Variants in CNTROB observed in about 807,000 individuals in gnomAD.
CNTROB encodes the protein centrobin, centriole duplication and spindle assembly protein.
Under a neutral mutation model 115.7 loss-of-function variants are expected in CNTROB, and 82 were observed. That is an observed-to-expected ratio of 0.71 (90% confidence interval 0.59 to 0.85). CNTROB has a LOEUF of 0.85. CNTROB is among the 40% of genes least tolerant of loss of function. The pLI is 0.00. For missense variants in CNTROB, 1,014 were observed against 1,144.4 expected (o/e 0.89, Z 1.64); for synonymous variants, 439 against 456.4 (o/e 0.96, Z 0.49).
rs73977784 is a variant in CNTROB at position 7,948,365 on chromosome 17, A to G, written c.2380+38A>G. ...TGGTTTATTAGGGAAAAAAGGAGGG[A>G]CAGTCCTGAGTGTGGATCCAGTACA... is the stretch of plus-strand genomic sequence containing the variant. On this transcript the variant is annotated intron_variant, in intron 16 of 18. Coordinates refer to ENST00000563694, the MANE Select transcript of CNTROB (RefSeq NM_053051.5). This position sits in a 1 kb window ranked among gnomAD's most constrained non-coding sequence, Gnocchi z 4.4. 3.6e-5 allele frequency: 58 copies of G among 1,612,456 alleles called. No homozygotes were observed. In the African/African-American group the frequency reaches 6.8e-4, roughly 19 times the overall value.
chr17:7,948,392 G>C lies in CNTROB; in HGVS notation c.2380+65G>C, dbSNP rs561678706. 1 of 1,607,922 alleles carries C rather than the reference G, an allele frequency of 6.2e-7. No individual in the cohort carries two copies. Among genetic ancestry groups the C allele is most frequent in the East Asian group, 2.2e-5 (1 of 44,826 alleles). ...AGTCCTGAGTGTGGATCCAGTACAG[G>C]CACTTACAGTCCTTCTGAATTCCTG... On this transcript the variant is annotated intron_variant, in intron 16 of 18. Transcript: ENST00000563694. The surrounding 1 kb of genome is among the most constrained non-coding windows in gnomAD (Gnocchi z 4.4).
Position 7,934,897 on chromosome 17 carries a change from G to A in CNTROB, c.438-92G>A, listed in dbSNP as rs1405463084. ...TGGACAAGTCTCTTGCCCTCTCTGG[G>A]TCTCAGTTTCCTCATTTGTAGAATA... On this transcript the variant is annotated intron_variant, in intron 3 of 18. Transcript: ENST00000563694. 4 of 1,414,518 alleles carry A rather than the reference G, an allele frequency of 2.8e-6. No homozygotes were observed. In the South Asian group the frequency reaches 5.7e-5, roughly 20 times the overall value. 87.6% of individuals were successfully genotyped at this position (1,414,518 alleles called of 1,614,324 possible).
At position 7,932,349 on chromosome 17, in the gene CNTROB, G is replaced by A; in HGVS notation, c.-731G>A. ...AAGGGTGGAGAGTAGGCGGAACCAG[G>A]TGGTCGTCGGGGCAGAGGATCTCGG... is the stretch of plus-strand genomic sequence containing the variant. On this transcript the variant is annotated 5_prime_UTR_variant, in exon 1 of 19. The change creates a new upstream start codon in the 5' untranslated region. Coordinates refer to ENST00000563694, the MANE Select transcript of CNTROB (RefSeq NM_053051.5). 6.0e-6 allele frequency: 1 copy of A among 166,540 alleles called. No homozygotes were observed. Among genetic ancestry groups the A allele is most frequent in the Non-Finnish European group, 1.3e-5 (1 of 76,272 alleles). 10.3% of individuals were successfully genotyped at this position (166,540 alleles called of 1,614,324 possible).
Position 7,943,522 on chromosome 17 carries a change from C to G in CNTROB, c.1443C>G (p.His481Gln). Reference protein sequence around the residue: ...LRQAASLREHHRKQLQDLSGQ... With the variant: ...LRQAASLREHQRKQLQDLSGQ... ...AAGCAGCCTCCCTCAGGGAACATCACAGGTACGTGGGACTCACTGGGTGTC... is the reference window on the plus strand; with the variant it reads ...AAGCAGCCTCCCTCAGGGAACATCAGAGGTACGTGGGACTCACTGGGTGTC... Residue 481 changes from histidine to glutamine, a missense_variant and splice_region_variant, in exon 10 of 19, where the codon CAC (histidine) becomes CAG (glutamine). By Grantham distance (24) the His-to-Gln change is conservative. Coordinates refer to ENST00000563694, the MANE Select transcript of CNTROB (RefSeq NM_053051.5). The surrounding 1 kb of genome is among the most constrained non-coding windows in gnomAD (Gnocchi z 4.7). 1 of 1,611,634 alleles carries G rather than the reference C, an allele frequency of 6.2e-7. No homozygotes were observed. The highest frequency in any genetic ancestry group is 8.5e-7 in the Non-Finnish European group (1 of 1,178,348).
intron 4 of CNTROB, among the ~76,000 whole-genome samples, 192 bp downstream of exon 4, chr17:7,935,337 C>T (rs577597566): frequency 6.6e-6 from 1 of 152,028 alleles, no homozygotes; most frequent in Admixed American, 6.6e-5. Context: ...CCCGTCTCTA[C>T]TAAAAATAGA....
At chr17:7,947,830 C>G in intron 14 of CNTROB, 86 bp from the exon 15 acceptor site, 1 of 1,608,778 alleles carries the variant, frequency 6.2e-7, no homozygotes, top group Non-Finnish European at 8.5e-7. Flanking sequence ...TTATGACTAA[C>G]TCTTTGTCCC....
chr17:7,936,298 C>G (rs769831691), intron 4 of CNTROB, 68 bp from the exon 5 acceptor site: 1 of 784,820 alleles, frequency 1.3e-6, no homozygotes, highest in South Asian at 1.3e-5. Flanking sequence ...ACTAGAGGAG[C>G]TGGAAAGTTT....
At position 7,932,959 on chromosome 17, in the gene CNTROB, C is replaced by G; in HGVS notation, c.-121C>G. The stretch of plus-strand genomic sequence containing the variant: ...TCGATATCCTTAATTCACCAAGGAT[C>G]CTTGGCGTGGAGTCTTCCTCCCTTC... On this transcript the variant is annotated 5_prime_UTR_variant, in exon 1 of 19. The change creates a new upstream start codon in the 5' untranslated region. Coordinates refer to ENST00000563694, the MANE Select transcript of CNTROB (RefSeq NM_053051.5). The G allele has an allele frequency of 9.1e-7, 1 of 1,094,770 alleles. No individual in the cohort carries two copies. The highest frequency in any genetic ancestry group is 1.3e-6 in the Non-Finnish European group (1 of 761,530). 67.8% of individuals were successfully genotyped at this position (1,094,770 alleles called of 1,614,324 possible).
At position 7,939,634 on chromosome 17, in the gene CNTROB, C is replaced by T; in HGVS notation, c.1049C>T (p.Thr350Ile). 6.2e-7 allele frequency: 1 copy of T among 1,614,022 alleles called. No homozygotes were observed. Among genetic ancestry groups the T allele is most frequent in the Non-Finnish European group, 8.5e-7 (1 of 1,179,996 alleles). ...CTGAGTGAGCATCGAGAGTTGGAGACTCTTCGGGCTGCCCTAGAAGAAGAA... is the reference window on the plus strand; with the variant it reads ...CTGAGTGAGCATCGAGAGTTGGAGATTCTTCGGGCTGCCCTAGAAGAAGAA... ...GQLSEHRELE[T>I]LRAALEEERQ... Residue 350 changes from threonine to isoleucine, a missense_variant, in exon 8 of 19, where the codon ACT becomes ATT. Physicochemically the swap from Thr to Ile is moderately conservative, Grantham distance 89. Coordinates refer to ENST00000563694, the MANE Select transcript of CNTROB (RefSeq NM_053051.5). The surrounding 1 kb of genome is among the most constrained non-coding windows in gnomAD (Gnocchi z 4.4).
chr17:7,936,462 A>G lies in CNTROB; in HGVS notation c.691A>G (p.Met231Val). 1.4e-6 allele frequency: 2 copies of G among 1,448,778 alleles called. No individual in the cohort carries two copies. The highest frequency in any genetic ancestry group is 1.9e-6 in the Non-Finnish European group (2 of 1,029,030). The allele number at this position is 1,448,778 out of a possible 1,614,324, so 89.7% of individuals were successfully genotyped here. ...AVAADRKKDT[M>V]IEQLDKTLAR... ...GGCTGCCGACCGCAAGAAAGATACC[A>G]TGATTGAACAACTGGACAAGGTACC... The change falls in exon 5 of 19, where the codon ATG (methionine) becomes GTG (valine). Residue 231 changes from methionine (M) to valine (V), a missense_variant. Physicochemically the swap from Met to Val is conservative, Grantham distance 21 (BLOSUM62 1). Coordinates refer to ENST00000563694, the MANE Select transcript of CNTROB (RefSeq NM_053051.5).
chr17:7,936,449 C>A lies in CNTROB; in HGVS notation c.678C>A (p.Arg226=). Residue 226 remains arginine (R), a synonymous_variant, in exon 5 of 19, where the codon CGC becomes CGA. Transcript: ENST00000563694. ...TAGCCGTGGCTGTGGCTGCCGACCGCAAGAAAGATACCATGATTGAACAAC... is the reference window on the plus strand; with the variant it reads ...TAGCCGTGGCTGTGGCTGCCGACCGAAAGAAAGATACCATGATTGAACAAC... ...QQLAVAVAAD[R]KKDTMIEQLD... is the part of the protein sequence containing the mutation. The A allele has an allele frequency of 6.5e-7, 1 of 1,527,288 alleles. No individual in the cohort carries two copies. Among genetic ancestry groups the A allele is most frequent in the Non-Finnish European group, 9.1e-7 (1 of 1,100,872 alleles). 94.6% of individuals were successfully genotyped at this position (1,527,288 alleles called of 1,614,324 possible). A position where few individuals can be genotyped will look rare whatever the true frequency, so the allele number is the denominator to read the frequency against.
Position 7,943,455 on chromosome 17 carries a change from T to C in CNTROB, c.1376T>C (p.Val459Ala), listed in dbSNP as rs576710852. 40 of 1,613,804 alleles carry C rather than the reference T, an allele frequency of 2.5e-5. No homozygotes were observed. In the South Asian group the frequency reaches 4.4e-4, roughly 18 times the overall value. The change falls in exon 10 of 19, where the codon GTG becomes GCG. Residue 459 changes from valine (V) to alanine (A), a missense_variant. By Grantham distance (64) the Val-to-Ala change is moderately conservative (BLOSUM62 0). Transcript: ENST00000563694. This position sits in a 1 kb window ranked among gnomAD's most constrained non-coding sequence, Gnocchi z 4.7. ...SELAVQLEQR[V>A]TERLAQAQES... ...CTGGCTGTGCAGCTGGAGCAGCGGG[T>C]GACAGAGCGGCTGGCGCAGGCTCAG...
In CNTROB at chr17:7,949,754, G is replaced by C. The variant is rs1229850173; in HGVS notation, c.*244G>C. ...GGTCTATGACAAGATTTGGAAAGTT[G>C]GGGCGGCTAAGATTCAGTGGACAAA... On this transcript the variant is annotated 3_prime_UTR_variant, in exon 19 of 19. Coordinates refer to ENST00000563694, the MANE Select transcript of CNTROB (RefSeq NM_053051.5). 7.8e-6 allele frequency: 3 copies of C among 383,184 alleles called. No individual in the cohort carries two copies. The highest frequency in any genetic ancestry group is 4.2e-5 in the African/African-American group (2 of 47,926). The allele number at this position is 383,184 out of a possible 1,614,324, so 23.7% of individuals were successfully genotyped here. A position where few individuals can be genotyped will look rare whatever the true frequency, so the allele number is the denominator to read the frequency against.
rs1201888882 is a variant in CNTROB, at chr17:7,933,199, T to C, written c.120T>C (p.Ala40=). The change falls in exon 1 of 19, where the codon GCT becomes GCC. Residue 40 remains alanine (A), a synonymous_variant. Coordinates refer to ENST00000563694, the MANE Select transcript of CNTROB (RefSeq NM_053051.5). ...VSSEVTSQLY[A]SLRLSRQAEA... ...CTGAAGTGACCTCCCAGCTCTATGC[T>C]TCTTTGCGCCTCAGCCGGCAGGCGG... 1 of 1,614,242 alleles carries C rather than the reference T, an allele frequency of 6.2e-7. No individual in the cohort carries two copies.
At chr17:7,933,744 G>A (rs913152229) in intron 1 of CNTROB, among the ~76,000 whole-genome samples, 1 of 152,182 alleles carries the variant, frequency 6.6e-6, no homozygotes, top group African/African-American at 2.4e-5. Context: ...ACTTTGGCAT[G>A]TACATCATTA....
At chr17:7,938,299 C>A (rs926087904) in intron 7 of CNTROB, among the ~76,000 whole-genome samples, 4 of 152,166 alleles carry the variant, frequency 2.6e-5, no homozygotes, top group Non-Finnish European at 4.4e-5. Flanking sequence ...GCCACCATAC[C>A]CAGCCACTTC....
intron 1 of CNTROB, among the ~76,000 whole-genome samples, chr17:7,933,612 T>G (rs1469510522): frequency 6.6e-6 from 1 of 152,202 alleles, no homozygotes; most frequent in Non-Finnish European, 1.5e-5. Flanking sequence ...TGGGGTAGGT[T>G]GGTGAGCTAT....
chr17:7,942,833 G>A (rs1974063415), intron 9 of CNTROB, among the ~76,000 whole-genome samples: 1 of 99,454 alleles, frequency 1.0e-5, no homozygotes, highest in Admixed American at 1.7e-4. Flanking sequence ...ACGGAGTCTC[G>A]CTGTGTCTCC....
intron 3 of CNTROB, 67 bp from the exon 4 acceptor site, chr17:7,934,922 A>G: frequency 6.6e-7 from 1 of 1,504,596 alleles, no homozygotes. Context: ...TTTGTAGAAT[A>G]TCACAGTTGG....
Sources: allele counts gnomAD v4.1 joint callset (sites outside exome capture counted in the v4.1 genomes callset), GRCh38; gene constraint gnomAD v4.1.1; non-coding constraint Gnocchi (gnomAD v3.1); transcripts MANE v1.5; gene names NCBI Gene and HGNC (gene_info 2026-07-23, HGNC 2026-07-21).